The following CLNK variants were observed in gnomAD, a reference collection of about 807,000 sequenced individuals.
CLNK encodes cytokine dependent hematopoietic cell linker, also known as cytokine-dependent hematopoietic cell linker.
CLNK carries 74 observed loss-of-function variants against 68.6 expected under a neutral mutation model. The ratio of observed to expected loss-of-function variants is 1.08; its 90% CI spans 0.89 to 1.31. The LOEUF (loss-of-function observed/expected upper bound fraction) is 1.31, where lower values mean the gene tolerates loss of function less well. Among genes scored for constraint, CLNK ranks in the 50% most tolerant of loss-of-function variants. The pLI is 0.00. For synonymous variants in CLNK, 198 were observed against 172.2 expected (o/e 1.15, Z -1.17); for missense variants, 553 against 515.3 (o/e 1.07, Z -0.71).
chr4:10,594,044 G>C (rs956557402), intron 3 of CLNK, among the ~76,000 whole-genome samples: 2 of 152,152 alleles, frequency 1.3e-5, no homozygotes, highest in Non-Finnish European at 2.9e-5. Flanking sequence ...CTGCGTCTGT[G>C]TCTGCCATGG....
chr4:10,686,914 T>C (rs1297222094), upstream of CLNK, among the ~76,000 whole-genome samples: 1 of 152,178 alleles, frequency 6.6e-6, no homozygotes, highest in Non-Finnish European at 1.5e-5. Context: ...CTTTTTTTCT[T>C]GGAATATCAT....
At chr4:10,503,378 C>T (rs1254830303) in intron 17 of CLNK, among the ~76,000 whole-genome samples, 1 of 151,600 alleles carries the variant, frequency 6.6e-6, no homozygotes, top group Non-Finnish European at 1.5e-5. Flanking sequence ...AGGAGAATCG[C>T]TTGGACCCAG....
chr4:10,540,492 A>T lies in CLNK; in HGVS notation c.602+2T>A. 1 of 1,603,592 alleles carries T rather than the reference A, an allele frequency of 6.2e-7. No individual in the cohort carries two copies. On this transcript the variant is annotated splice_donor_variant, in intron 11 of 18. Coordinates refer to ENST00000226951, the MANE Select transcript of CLNK (RefSeq NM_052964.4). LOFTEE classifies it high-confidence loss of function. ...TTTCACCATTGATGATGAATCTCTC[A>T]CCTGGGCATTCTCTGGACTTCTGGA... is the stretch of plus-strand genomic sequence containing the variant.
chr4:10,720,214 C>T, the CLNK span, among the ~76,000 whole-genome samples: 1 of 151,716 alleles, frequency 6.6e-6, no homozygotes, highest in Non-Finnish European at 1.5e-5. Context: ...AGAAACAAAT[C>T]AAAACACAAA....
At chr4:10,699,466 G>GTCTC in the CLNK span, among the ~76,000 whole-genome samples, 546 of 60,396 alleles carry the variant, frequency 9.0e-3, 9 homozygotes, top group African/African-American at 0.021. Context: ...CATCCTCTCT[G>GTCTC]TCTCTCTCTC....
intron 4 of CLNK, among the ~76,000 whole-genome samples, chr4:10,573,530 A>G (rs1382586364): frequency 6.6e-6 from 1 of 152,010 alleles, no homozygotes; most frequent in Non-Finnish European, 1.5e-5. Flanking sequence ...AGCAATTTGT[A>G]CTCTCTCATG....
chr4:10,506,695 T>C (rs1342228473), intron 17 of CLNK, among the ~76,000 whole-genome samples: 1 of 152,226 alleles, frequency 6.6e-6, no homozygotes, highest in Non-Finnish European at 1.5e-5. Flanking sequence ...GATTTTACTG[T>C]TTCATTTTAC....
At chr4:10,531,267 C>A (rs1274087213) in intron 12 of CLNK, 2 of 152,298 alleles carry the variant, frequency 1.3e-5, no homozygotes, top group Non-Finnish European at 2.9e-5. Flanking sequence ...TGAAGGGAGT[C>A]AATACCCTTG....
intron 3 of CLNK, among the ~76,000 whole-genome samples, chr4:10,596,427 T>C (rs142677603): frequency 1.7e-3 from 263 of 152,316 alleles, no homozygotes; most frequent in African/African-American, 6.2e-3. Flanking sequence ...AAATCCTGAT[T>C]CAATGGACTC....
chr4:10,684,349 G>A (rs1189074548), intron 1 of CLNK, among the ~76,000 whole-genome samples: 1 of 152,178 alleles, frequency 6.6e-6, no homozygotes, highest in African/African-American at 2.4e-5. Context: ...AGCCAGGAAA[G>A]CCAGCCATGG....
chr4:10,680,215 T>G (rs1725042466), intron 1 of CLNK, among the ~76,000 whole-genome samples: 1 of 151,854 alleles, frequency 6.6e-6, no homozygotes, highest in Non-Finnish European at 1.5e-5. Context: ...ATGTCCTTTG[T>G]AGGGACATGG....
At chr4:10,523,145 T>A (rs1012984143) in intron 14 of CLNK, among the ~76,000 whole-genome samples, 1 of 152,184 alleles carries the variant, frequency 6.6e-6, no homozygotes, top group Non-Finnish European at 1.5e-5. Flanking sequence ...TTTAGAGATA[T>A]AATTTTGGGA....
At chr4:10,690,971 T>C in the CLNK span, among the ~76,000 whole-genome samples, 2 of 152,124 alleles carry the variant, frequency 1.3e-5, no homozygotes, top group East Asian at 3.9e-4. Flanking sequence ...AACAGGATAA[T>C]GAAATGAAGA....
At chr4:10,586,946 C>T (rs1239135363) in intron 3 of CLNK, among the ~76,000 whole-genome samples, 1 of 149,172 alleles carries the variant, frequency 6.7e-6, no homozygotes, top group Non-Finnish European at 1.5e-5. Context: ...CTGTACATGT[C>T]TTTGCCCATT....
At chr4:10,589,543 A>G (rs1721108499) in intron 3 of CLNK, among the ~76,000 whole-genome samples, 1 of 146,014 alleles carries the variant, frequency 6.8e-6, no homozygotes, top group Non-Finnish European at 1.5e-5. Context: ...TCAGCAAAAC[A>G]GGGAATGGTG....
the CLNK span, among the ~76,000 whole-genome samples, chr4:10,733,622 G>A: frequency 2.0e-5 from 3 of 152,176 alleles, no homozygotes; most frequent in Non-Finnish European, 2.9e-5. Flanking sequence ...GGTTTGCCAT[G>A]CATCTGTGTG....
chr4:10,566,275 G>A (rs1311807362), intron 5 of CLNK, 125 bp from the exon 6 acceptor site: 1 of 904,044 alleles, frequency 1.1e-6, no homozygotes, highest in Middle Eastern at 2.4e-4. Context: ...TAAGAATCTA[G>A]GGTCTGGGAT....
At position 10,551,483 on chromosome 4, in the gene CLNK, G is replaced by A. The variant is rs79845051; in HGVS notation, c.445+6924C>T. Among the ~76,000 whole-genome samples the A allele has an allele frequency of 4.6e-3, 699 of 151,838 alleles. 7 individuals are homozygous for A. The highest frequency in any genetic ancestry group is 0.016 in the African/African-American group (660 of 41,416). Reference sequence around the variant, plus strand: ...ACCATGTTGCCCAGGCTCCTGAGTTGTCTCGAAACTCCTGGGCTCAAGTGA... The same window carrying A: ...ACCATGTTGCCCAGGCTCCTGAGTTATCTCGAAACTCCTGGGCTCAAGTGA... On this transcript the variant is annotated intron_variant, in intron 8 of 18. Transcript: ENST00000226951.
At chr4:10,610,497 G>T (rs1721971970) in intron 2 of CLNK, among the ~76,000 whole-genome samples, 1 of 151,794 alleles carries the variant, frequency 6.6e-6, no homozygotes, top group African/African-American at 2.4e-5. Flanking sequence ...TCTTCTTTTT[G>T]GTTTAAATTT....
Sources: allele counts gnomAD v4.1 joint callset (sites outside exome capture counted in the v4.1 genomes callset), GRCh38; gene constraint gnomAD v4.1.1; transcripts MANE v1.5; gene names NCBI Gene and HGNC (gene_info 2026-07-23, HGNC 2026-07-21).